The following NHSL1 variants were observed in gnomAD, a reference collection of about 807,000 sequenced individuals.
NHSL1 encodes the protein NHS like 1, also known as NHS-like protein 1.
Under a neutral mutation model 95.0 loss-of-function variants are expected in NHSL1, and 48 were observed. That is an observed-to-expected ratio of 0.51 (90% confidence interval 0.40 to 0.64). The LOEUF is 0.64. NHSL1 is among the 30% of genes least tolerant of loss of function. The probability of loss-of-function intolerance (pLI) is 0.00; values close to 1 mark genes in which losing one functional copy is unlikely to be tolerated. For synonymous variants in NHSL1, 783 were observed against 833.9 expected, an observed-to-expected ratio of 0.94 and a Z score of 1.05; for missense variants, 1,971 against 2,077.7, an observed-to-expected ratio of 0.95 and a Z score of 1.00.
intron 3 of NHSL1, among the ~76,000 whole-genome samples, chr6:138,467,245 C>G (rs968190354): frequency 6.1e-4 from 93 of 152,008 alleles, no homozygotes; most frequent in African/African-American, 2.2e-3. Flanking sequence ...CTCCGCCCCC[C>G]GGGTTCACGC....
chr6:138,446,263 C>G (rs1776859046), intron 4 of NHSL1, among the ~76,000 whole-genome samples: 1 of 152,126 alleles, frequency 6.6e-6, no homozygotes. Flanking sequence ...TCTCAAACTC[C>G]TGACCTCAGG....
chr6:138,575,189 G>A (rs547223583), upstream of NHSL1, among the ~76,000 whole-genome samples: 5 of 152,220 alleles, frequency 3.3e-5, no homozygotes, highest in African/African-American at 7.2e-5. Flanking sequence ...ATGAGCCACC[G>A]TGCCTGGTCC....
intron 1 of NHSL1, among the ~76,000 whole-genome samples, chr6:138,518,393 GTT>G (rs532765329): frequency 7.3e-6 from 1 of 136,340 alleles, no homozygotes; most frequent in Non-Finnish European, 1.6e-5. Context: ...ATTACAGCAG[GTT>G]TTTTTTTTTT....
chr6:138,618,063 T>A (rs1027119111), intron 1 of NHSL1, among the ~76,000 whole-genome samples: 9 of 152,210 alleles, frequency 5.9e-5, no homozygotes, highest in Admixed American at 3.3e-4. Flanking sequence ...TTCATATGGG[T>A]ATAATTTTAT....
chr6:138,630,185 C>T lies in NHSL1; in HGVS notation c.96+62291G>A, dbSNP rs78052030. Among the ~76,000 whole-genome samples, 903 of 151,496 alleles carry T rather than the reference C, an allele frequency of 6.0e-3. 11 individuals carry two copies. The highest frequency in any genetic ancestry group is 0.021 in the African/African-American group (853 of 41,212). ...AGCCATGCTGCAGCTCCAGCCTGAGCGACAGAGTAAGACCTTGTCTCCCCG... is the reference window on the plus strand; with the variant it reads ...AGCCATGCTGCAGCTCCAGCCTGAGTGACAGAGTAAGACCTTGTCTCCCCG... On this transcript the variant is annotated intron_variant, in intron 1 of 3. Transcript: ENST00000491526.
At chr6:138,520,847 G>A (rs549198606) in intron 1 of NHSL1, among the ~76,000 whole-genome samples, 2 of 152,316 alleles carry the variant, frequency 1.3e-5, no homozygotes, top group South Asian at 4.1e-4. Context: ...AACTAGGAAA[G>A]AAATATGGTG....
intron 5 of NHSL1, among the ~76,000 whole-genome samples, chr6:138,437,327 C>CAG (rs1337221005): frequency 1.1e-5 from 1 of 92,912 alleles, no homozygotes; most frequent in Non-Finnish European, 1.9e-5. Flanking sequence ...TATACACACA[C>CAG]ACATATATAT....
At chr6:138,686,727 C>T (rs374196210) in intron 1 of NHSL1, among the ~76,000 whole-genome samples, 9 of 152,122 alleles carry the variant, frequency 5.9e-5, no homozygotes, top group Admixed American at 4.6e-4. Flanking sequence ...AGAGGTGAAG[C>T]CAAGCTCAGG....
chr6:138,424,606 G>T lies in NHSL1; in HGVS notation c.4296C>A (p.Thr1432=), dbSNP rs958517055. Residue 1432 remains threonine (T), a synonymous_variant, in exon 8 of 8, where the codon ACC becomes ACA. Coordinates refer to ENST00000343505, the MANE Select transcript of NHSL1 (RefSeq NM_001144060.2). This position sits in a 1 kb window ranked among gnomAD's most constrained non-coding sequence, Gnocchi z 5.9. ...LLLKKGSRSD[T]SARMSAAEML... ...TCTCTGCTGCAGACATGCGGGCGCT[G>T]GTGTCTGAACGACTGCCCTTTTTCA... The T allele has an allele frequency of 6.4e-7, 1 of 1,551,514 alleles. No individual in the cohort carries two copies. The highest frequency in any genetic ancestry group is 1.4e-5 in the African/African-American group (1 of 73,026).
At chr6:138,562,824 C>T (rs756715263) in intron 1 of NHSL1, among the ~76,000 whole-genome samples, 27 of 152,230 alleles carry the variant, frequency 1.8e-4, no homozygotes, top group Non-Finnish European at 2.8e-4. Flanking sequence ...CCCTTCTGCA[C>T]GCCATAACCA....
intron 1 of NHSL1, among the ~76,000 whole-genome samples, chr6:138,608,764 AT>A (rs997255970): frequency 6.6e-6 from 1 of 152,238 alleles, no homozygotes; most frequent in Non-Finnish European, 1.5e-5. Context: ...AAGCTCCATA[AT>A]TTATAAGACA....
upstream of NHSL1, among the ~76,000 whole-genome samples, chr6:138,503,202 C>T (rs772890142): frequency 2.0e-5 from 3 of 152,190 alleles, no homozygotes; most frequent in Non-Finnish European, 2.9e-5. Context: ...ATACTTCCAA[C>T]CACCCAGCTC....
At position 138,430,446 on chromosome 6, in the gene NHSL1, C is replaced by T; in HGVS notation, c.3899G>A (p.Ser1300Asn). 6.5e-7 allele frequency: 1 copy of T among 1,539,708 alleles called. No homozygotes were observed. Among genetic ancestry groups the T allele is most frequent in the Admixed American group, 2.0e-5 (1 of 50,100 alleles). Reference protein sequence around the residue: ...APKQEEPAENSADTGGDGESC... With the variant: ...APKQEEPAENNADTGGDGESC... ...CTCCCCATCGCCCCCAGTATCCGCA[C>T]TGTTCTCGGCTGGCTCCTCCTGCTT... The change falls in exon 6 of 8, where the codon AGT becomes AAT. Residue 1300 changes from serine to asparagine, a missense_variant. Physicochemically the swap from Ser to Asn is conservative, Grantham distance 46. Around this residue, in one of 3 missense-constraint regions of NHSL1, gnomAD observed 1,602 missense variants for 1,654.5 expected, o/e 0.97. Coordinates refer to ENST00000343505, the MANE Select transcript of NHSL1 (RefSeq NM_001144060.2). This position sits in a 1 kb window ranked among gnomAD's most constrained non-coding sequence, Gnocchi z 4.7.
intron 5 of NHSL1, among the ~76,000 whole-genome samples, chr6:138,438,711 T>C (rs1030393392): frequency 1.3e-5 from 2 of 152,196 alleles, no homozygotes; most frequent in African/African-American, 2.4e-5. Context: ...GGATGCTGAA[T>C]ATTTACAAGT....
rs866373661 is a variant in NHSL1 at position 138,631,048 on chromosome 6, T to C, written c.96+61428A>G. Among the ~76,000 whole-genome samples, 6 of 152,210 alleles carry C rather than the reference T, an allele frequency of 3.9e-5. No homozygotes were observed. The South Asian group carries it at 6.2e-4, about 16-fold the overall frequency. On this transcript the variant is annotated intron_variant, in intron 1 of 3. Coordinates refer to the NHSL1 transcript ENST00000491526. Reference sequence around the variant, plus strand: ...CAGCGTGGTATGGACAGTGTTCCTGTGCTCTGGGGAGAGGGAAAGTCAGCA... The same window carrying C: ...CAGCGTGGTATGGACAGTGTTCCTGCGCTCTGGGGAGAGGGAAAGTCAGCA...
intron 1 of NHSL1, among the ~76,000 whole-genome samples, chr6:138,589,757 C>A (rs538775445): frequency 2.0e-5 from 3 of 152,118 alleles, no homozygotes; most frequent in Non-Finnish European, 2.9e-5. Context: ...CTGACAACCT[C>A]TGATCCTCTA....
At chr6:138,464,121 C>T (rs571533433) in intron 3 of NHSL1, 1 of 537,116 alleles carries the variant, frequency 1.9e-6, no homozygotes, top group Non-Finnish European at 3.4e-6. Flanking sequence ...ATCCTCACCG[C>T]TATCTGGTCC....
chr6:138,581,692 CAAAAAAAAAAAAAA>C (rs1163761095), intron 1 of NHSL1, among the ~76,000 whole-genome samples: 10 of 67,300 alleles, frequency 1.5e-4, no homozygotes, highest in East Asian at 8.7e-4. Flanking sequence ...ACTCCGTCTC[CAAAAAAAAAAAAAA>C]AAAAAAAAAA....
intron 1 of NHSL1, among the ~76,000 whole-genome samples, chr6:138,563,114 C>T (rs1783475939): frequency 6.6e-6 from 1 of 152,180 alleles, no homozygotes. Context: ...TGTTTCTCTG[C>T]CCAGTTTTCA....
Sources: allele counts gnomAD v4.1 joint callset (sites outside exome capture counted in the v4.1 genomes callset), GRCh38; gene constraint gnomAD v4.1.1; regional missense constraint gnomAD v4.1.1; non-coding constraint Gnocchi (gnomAD v3.1); transcripts MANE v1.5; gene names NCBI Gene and HGNC (gene_info 2026-07-23, HGNC 2026-07-21).